CIROZ: variants seen among roughly 807,000 people sequenced by gnomAD.
The protein encoded by CIROZ is ciliated left-right organizer ZP-N domains-containing protein.
chr1:10,948,569 G>A, the CIROZ span: 1 of 1,614,198 alleles, frequency 6.2e-7, no homozygotes, highest in Non-Finnish European at 8.5e-7. Flanking sequence ...CAGGCCTCGG[G>A]GCTGGCGGTG....
the CIROZ span, among the ~76,000 whole-genome samples, chr1:10,968,041 C>A: frequency 5.4e-3 from 826 of 152,024 alleles, 9 homozygotes; most frequent in African/African-American, 0.019. Flanking sequence ...CACCTGTAGT[C>A]CCAGCTACTC....
chr1:10,966,560 C>T, the CIROZ span: 437 of 1,406,584 alleles, frequency 3.1e-4, no homozygotes, highest in Non-Finnish European at 3.8e-4. Context: ...ATATCAGACT[C>T]GCAGATAGAA....
At chr1:10,972,836 C>G in the CIROZ span, among the ~76,000 whole-genome samples, 1 of 151,958 alleles carries the variant, frequency 6.6e-6, no homozygotes, top group African/African-American at 2.4e-5. Context: ...CCTGTAATCC[C>G]AGCACTTTGG....
the CIROZ span, among the ~76,000 whole-genome samples, chr1:10,951,502 C>T: frequency 2.1e-4 from 31 of 148,888 alleles, no homozygotes; most frequent in Admixed American, 4.0e-4. Context: ...GCCAAGATTG[C>T]GTCATTGCAC....
chr1:10,954,110 T>C, the CIROZ span: 41 of 1,613,336 alleles, frequency 2.5e-5, no homozygotes, highest in Middle Eastern at 1.6e-4. Flanking sequence ...AGAAAGCTTG[T>C]GTTCCCGGGG....
At chr1:10,969,446 C>T in the CIROZ span, among the ~76,000 whole-genome samples, 1 of 152,180 alleles carries the variant, frequency 6.6e-6, no homozygotes, top group South Asian at 2.1e-4. Flanking sequence ...TGCGCTCTTC[C>T]CCCACCAAGC....
chr1:10,947,641 A>G, the CIROZ span: 1 of 1,459,670 alleles, frequency 6.9e-7, no homozygotes, highest in Non-Finnish European at 9.1e-7. Context: ...CCCAGGACTC[A>G]CCCTGGAGTC....
At chr1:10,950,022 T>G in the CIROZ span, among the ~76,000 whole-genome samples, 4 of 148,224 alleles carry the variant, frequency 2.7e-5, no homozygotes, top group Admixed American at 2.7e-4. Context: ...TATGTGGACA[T>G]CAAGATTCTT....
At chr1:10,955,770 G>A in the CIROZ span, among the ~76,000 whole-genome samples, 1 of 151,310 alleles carries the variant, frequency 6.6e-6, no homozygotes, top group African/African-American at 2.4e-5. Flanking sequence ...CTTGAACCCT[G>A]GAGGTGGAGG....
the CIROZ span, among the ~76,000 whole-genome samples, chr1:10,978,392 AG>A: frequency 6.6e-6 from 1 of 151,800 alleles, no homozygotes; most frequent in African/African-American, 2.4e-5. Context: ...GAGAGGTGAC[AG>A]TTGAACCAAG....
At chr1:10,966,619 A>ACTGCT in the CIROZ span, 3 of 1,012,284 alleles carry the variant, frequency 3.0e-6, no homozygotes, top group Non-Finnish European at 4.1e-6. Flanking sequence ...AAATAGCAGT[A>ACTGCT]ATTTTTAAAA....
chr1:10,947,823 A>G, the CIROZ span: 1 of 1,599,892 alleles, frequency 6.3e-7, no homozygotes, highest in Non-Finnish European at 8.5e-7. Context: ...CAGGCTGGGT[A>G]GCAACACTCC....
the CIROZ span, among the ~76,000 whole-genome samples, chr1:10,951,484 T>G: frequency 6.6e-6 from 1 of 150,428 alleles, no homozygotes; most frequent in Admixed American, 6.7e-5. Flanking sequence ...AGGTGGAGGT[T>G]GCAGTGAGCC....
chr1:10,953,810 A>G, the CIROZ span, among the ~76,000 whole-genome samples: 1 of 152,202 alleles, frequency 6.6e-6, no homozygotes, highest in Non-Finnish European at 1.5e-5. Flanking sequence ...GCCAGGAACC[A>G]CATCACCACT....
the CIROZ span, among the ~76,000 whole-genome samples, chr1:10,975,241 A>G: frequency 6.6e-6 from 1 of 152,016 alleles, no homozygotes; most frequent in Non-Finnish European, 1.5e-5. Flanking sequence ...CCCCGTCTCT[A>G]CTAAAAATGC....
the CIROZ span, chr1:10,949,843 T>G: frequency 1.3e-6 from 2 of 1,510,890 alleles, no homozygotes; most frequent in Non-Finnish European, 1.8e-6. Context: ...AGGTCAGCCT[T>G]CCTCCTAAGG....
the CIROZ span, among the ~76,000 whole-genome samples, chr1:10,954,467 AG>A: frequency 0.18 from 23,547 of 127,812 alleles, 3,584 homozygotes; most frequent in African/African-American, 0.45. Context: ...AAAAAAAAAA[AG>A]AAAAGAAAAG....
the CIROZ span, chr1:10,957,200 A>C: frequency 2.0e-6 from 2 of 982,442 alleles, no homozygotes; most frequent in Admixed American, 2.9e-5. Context: ...CTACCTTCGA[A>C]TTAGTCTCTG....
At chr1:10,957,767 A>T in the CIROZ span, 4 of 1,609,400 alleles carry the variant, frequency 2.5e-6, no homozygotes, top group South Asian at 3.3e-5. Flanking sequence ...GAGAAAGAGG[A>T]CACGATCACA....
Sources: allele counts gnomAD v4.1 joint callset (sites outside exome capture counted in the v4.1 genomes callset), GRCh38; gene constraint gnomAD v4.1.1; transcripts MANE v1.5; gene names NCBI Gene and HGNC (gene_info 2026-07-23, HGNC 2026-07-21).